Variants in FAM222B observed in about 807,000 individuals in gnomAD.
FAM222B encodes family with sequence similarity 222 member B, also known as protein FAM222B.
FAM222B carries 12 observed loss-of-function variants against 38.0 expected under a neutral mutation model. That is an observed-to-expected ratio of 0.32 (90% CI 0.20 to 0.51). The LOEUF (loss-of-function observed/expected upper bound fraction) is 0.51, where lower values mean the gene tolerates loss of function less well. Ranked by LOEUF, FAM222B falls within the 20% of genes least tolerant of loss-of-function variation. FAM222B has a pLI of 0.97. For synonymous variants in FAM222B, 329 were observed against 317.2 expected, an observed-to-expected ratio of 1.04 and a Z score of -0.40; for missense variants, 716 against 754.2, an observed-to-expected ratio of 0.95 and a Z score of 0.59.
intron 1 of FAM222B, among the ~76,000 whole-genome samples, chr17:28,779,880 T>C (rs1323601308): frequency 6.6e-6 from 1 of 152,006 alleles, no homozygotes; most frequent in Non-Finnish European, 1.5e-5. Context: ...ATAAAGGCCA[T>C]ATACGACAAG....
At chr17:28,845,427 A>C (rs558833573), upstream of FAM222B, among the ~76,000 whole-genome samples, 7 of 150,978 alleles carry the variant, frequency 4.6e-5, no homozygotes, top group South Asian at 1.5e-3. Context: ...AAATACAAAA[A>C]AATTGGCTGG....
intron 1 of FAM222B, among the ~76,000 whole-genome samples, chr17:28,769,547 T>C (rs1043359756): frequency 6.6e-6 from 1 of 152,240 alleles, no homozygotes; most frequent in African/African-American, 2.4e-5. Context: ...TCCGCCCGCC[T>C]TGGCCTCCCA....
At chr17:28,774,274 A>G (rs2035781048) in intron 1 of FAM222B, among the ~76,000 whole-genome samples, 1 of 152,116 alleles carries the variant, frequency 6.6e-6, no homozygotes, top group Non-Finnish European at 1.5e-5. Context: ...CTACTCTCTG[A>G]AAGTGTTTCA....
At chr17:28,770,999 T>C (rs1386232305) in intron 1 of FAM222B, among the ~76,000 whole-genome samples, 1 of 150,908 alleles carries the variant, frequency 6.6e-6, no homozygotes, top group Non-Finnish European at 1.5e-5. Context: ...TGTGTGTATA[T>C]ATATATATTT....
At chr17:28,773,343 G>A (rs776619430) in intron 1 of FAM222B, among the ~76,000 whole-genome samples, 12 of 151,274 alleles carry the variant, frequency 7.9e-5, no homozygotes, top group East Asian at 1.9e-4. Context: ...TTAGCCGGGC[G>A]TGGTGGTGGG....
At chr17:28,798,198 C>G (rs2037034566) in intron 1 of FAM222B, among the ~76,000 whole-genome samples, 1 of 152,110 alleles carries the variant, frequency 6.6e-6, no homozygotes, top group Non-Finnish European at 1.5e-5. Context: ...TGAGACCAGC[C>G]TGGCAAGAGC....
intron 1 of FAM222B, among the ~76,000 whole-genome samples, chr17:28,794,502 G>A (rs1048817985): frequency 1.3e-5 from 2 of 152,034 alleles, no homozygotes; most frequent in Admixed American, 1.3e-4. Flanking sequence ...TTACAGGCAT[G>A]AGCCACAGTG....
chr17:28,805,724 G>A (rs11658884), intron 1 of FAM222B, among the ~76,000 whole-genome samples: 28,731 of 151,968 alleles, frequency 0.19, 2,851 homozygotes, highest in South Asian at 0.3. Context: ...GTGTAATACA[G>A]GTTCTTGGCT....
chr17:28,807,920 G>T (rs1341624691), intron 1 of FAM222B, among the ~76,000 whole-genome samples: 2 of 152,156 alleles, frequency 1.3e-5, no homozygotes, highest in African/African-American at 4.8e-5. Flanking sequence ...AGTTTGTATC[G>T]GAAAGGTAAC....
intron 2 of FAM222B, chr17:28,762,035 G>T (rs936122969): frequency 2.0e-5 from 3 of 151,922 alleles, no homozygotes; most frequent in Non-Finnish European, 4.4e-5. Context: ...CAACTCTGAG[G>T]TTTTTTTTAG....
chr17:28,782,312 A>G (rs1817130822), intron 1 of FAM222B, among the ~76,000 whole-genome samples: 1 of 152,152 alleles, frequency 6.6e-6, no homozygotes, highest in African/African-American at 2.4e-5. Context: ...ACACAGTGAG[A>G]CCCTGTCTTA....
At chr17:28,817,398 G>A (rs2038063085) in intron 1 of FAM222B, among the ~76,000 whole-genome samples, 1 of 149,038 alleles carries the variant, frequency 6.7e-6, no homozygotes, top group Non-Finnish European at 1.5e-5. Context: ...GGGCAACAGA[G>A]TGAGACTCTG....
At chr17:28,812,866 G>C (rs376880459) in intron 1 of FAM222B, among the ~76,000 whole-genome samples, 2 of 151,182 alleles carry the variant, frequency 1.3e-5, no homozygotes, top group South Asian at 4.2e-4. Flanking sequence ...GGAGACACTC[G>C]ACAGTAAAAA....
At chr17:28,798,853 G>A (rs1428407024) in intron 1 of FAM222B, among the ~76,000 whole-genome samples, 2 of 151,552 alleles carry the variant, frequency 1.3e-5, no homozygotes, top group Non-Finnish European at 2.9e-5. Context: ...TCCTGACCTC[G>A]TGATCCACCC....
intron 1 of FAM222B, among the ~76,000 whole-genome samples, chr17:28,784,978 A>T (rs1406655519): frequency 6.6e-6 from 1 of 151,026 alleles, no homozygotes; most frequent in East Asian, 1.9e-4. Context: ...CTGGTCTTAA[A>T]CTCCTGGACT....
At chr17:28,851,408 A>G (rs1390588066) in intron 1 of FAM222B, among the ~76,000 whole-genome samples, 1 of 150,690 alleles carries the variant, frequency 6.6e-6, no homozygotes, top group African/African-American at 2.4e-5. Context: ...GTGGCAGAAG[A>G]CTGTAACCCC....
At chr17:28,808,690 C>T (rs886503129) in intron 1 of FAM222B, among the ~76,000 whole-genome samples, 1 of 152,186 alleles carries the variant, frequency 6.6e-6, no homozygotes, top group African/African-American at 2.4e-5. Context: ...TGTGCTTAAA[C>T]ACACAAAATA....
chr17:28,769,532 C>T (rs991167325), intron 1 of FAM222B, among the ~76,000 whole-genome samples: 4 of 152,304 alleles, frequency 2.6e-5, no homozygotes, highest in South Asian at 4.1e-4. Context: ...CTCTTGACCT[C>T]GTGTTCCGCC....
chr17:28,801,750 C>A (rs1257814383), intron 1 of FAM222B, among the ~76,000 whole-genome samples: 1 of 152,054 alleles, frequency 6.6e-6, no homozygotes, highest in African/African-American at 2.4e-5. Flanking sequence ...CAACTTCTCA[C>A]AGACTTGATA....
Sources: gnomAD v4.1 joint callset for allele counts (sites outside exome capture counted in the v4.1 genomes callset) on GRCh38, gnomAD v4.1.1 for gene constraint, MANE v1.5 for transcripts, NCBI Gene and HGNC (gene_info 2026-07-23, HGNC 2026-07-21) for gene names.